The following CA10 variants were observed in gnomAD, a reference collection of about 807,000 sequenced individuals.
CA10 encodes carbonic anhydrase-related protein 10.
In CA10, 14 loss-of-function variants were observed where a neutral mutation model predicts 44.2. The observed-to-expected ratio is 0.32, with a 90% CI of 0.21 to 0.50. The LOEUF is 0.50. Among genes scored for constraint, CA10 ranks in the 20% least tolerant of loss-of-function variants. CA10 has a pLI of 0.99. For missense variants in CA10, 350 were observed against 409.7 expected, an observed-to-expected ratio of 0.85 and a Z score of 1.26; for synonymous variants, 159 against 141.6, an observed-to-expected ratio of 1.12 and a Z score of -0.87.
intron 4 of CA10, among the ~76,000 whole-genome samples, chr17:51,731,195 G>A (rs555507843): frequency 2.0e-5 from 3 of 152,252 alleles, no homozygotes; most frequent in Admixed American, 6.5e-5. Context: ...TGGCCAACAT[G>A]GTGAAACCCC....
At chr17:51,877,483 G>A (rs886851955) in intron 3 of CA10, among the ~76,000 whole-genome samples, 2 of 152,094 alleles carry the variant, frequency 1.3e-5, no homozygotes, top group Non-Finnish European at 2.9e-5. Flanking sequence ...TGACCATCCC[G>A]CATCATGATG....
At chr17:51,815,184 T>A (rs982580863) in intron 3 of CA10, among the ~76,000 whole-genome samples, 2 of 151,982 alleles carry the variant, frequency 1.3e-5, no homozygotes, top group African/African-American at 4.8e-5. Flanking sequence ...GCTACTGGCA[T>A]CTAGTAAGCA....
At chr17:52,138,740 T>C (rs1747207948) in intron 1 of CA10, among the ~76,000 whole-genome samples, 1 of 152,232 alleles carries the variant, frequency 6.6e-6, no homozygotes, top group African/African-American at 2.4e-5. Flanking sequence ...AGTCTTTTTT[T>C]AGAGCAATGC....
chr17:51,759,926 C>A (rs75520833), intron 3 of CA10, among the ~76,000 whole-genome samples: 1 of 152,272 alleles, frequency 6.6e-6, no homozygotes, highest in African/African-American at 2.4e-5. Flanking sequence ...CATCTTCAGG[C>A]CACTGTTTTT....
chr17:51,975,460 C>T (rs1984429148), intron 2 of CA10, among the ~76,000 whole-genome samples: 1 of 152,178 alleles, frequency 6.6e-6, no homozygotes, highest in Admixed American at 6.6e-5. Context: ...AGGCAAATCA[C>T]CTGAGGCCAG....
At chr17:51,681,385 G>A (rs1415882392) in intron 4 of CA10, among the ~76,000 whole-genome samples, 1 of 152,180 alleles carries the variant, frequency 6.6e-6, no homozygotes, top group Non-Finnish European at 1.5e-5. Context: ...TAGCAGGTGG[G>A]AAAATTAGAG....
intron 2 of CA10, among the ~76,000 whole-genome samples, chr17:52,059,997 A>G (rs1987338858): frequency 6.6e-6 from 1 of 152,222 alleles, no homozygotes; most frequent in South Asian, 2.1e-4. Flanking sequence ...CATTTGTTCT[A>G]CAACTAAAGA....
At chr17:52,021,455 C>A (rs537263748) in intron 2 of CA10, among the ~76,000 whole-genome samples, 331 of 152,152 alleles carry the variant, frequency 2.2e-3, no homozygotes, top group Non-Finnish European at 3.5e-3. Flanking sequence ...CTTATCTCTG[C>A]AGCCTTGCCA....
chr17:51,726,295 A>T (rs1916519637), intron 4 of CA10, among the ~76,000 whole-genome samples: 1 of 152,208 alleles, frequency 6.6e-6, no homozygotes, highest in African/African-American at 2.4e-5. Flanking sequence ...TTTTAAAATA[A>T]TCCTGATGTT....
At chr17:51,788,595 A>G (rs1293380599) in intron 3 of CA10, among the ~76,000 whole-genome samples, 21 of 152,238 alleles carry the variant, frequency 1.4e-4, no homozygotes, top group Non-Finnish European at 1.2e-4. Flanking sequence ...CATACACTCC[A>G]TAAATACGTG....
chr17:52,008,559 T>C (rs1985680318), intron 2 of CA10, among the ~76,000 whole-genome samples: 1 of 151,930 alleles, frequency 6.6e-6, no homozygotes, highest in African/African-American at 2.4e-5. Context: ...TGTTTTTTTC[T>C]ATTACTGCTA....
At chr17:52,017,350 C>A (rs919715717) in intron 2 of CA10, among the ~76,000 whole-genome samples, 2 of 152,092 alleles carry the variant, frequency 1.3e-5, no homozygotes, top group East Asian at 1.9e-4. Context: ...GACCAAAATG[C>A]TGATAGAAAC....
chr17:52,104,950 G>T (rs1188713272), intron 1 of CA10, among the ~76,000 whole-genome samples: 1 of 152,162 alleles, frequency 6.6e-6, no homozygotes, highest in African/African-American at 2.4e-5. Flanking sequence ...AAAATAAGGG[G>T]TTCCTGAGAG....
chr17:52,020,773 C>T (rs577507293), intron 2 of CA10, among the ~76,000 whole-genome samples: 1 of 151,990 alleles, frequency 6.6e-6, no homozygotes, highest in South Asian at 2.1e-4. Context: ...AAACATAGTA[C>T]CCAATAAATA....
In CA10 at chr17:52,072,374, T is replaced by G; in HGVS notation, c.81A>C (p.Lys27Asn). 1 of 1,613,384 alleles carries G rather than the reference T, an allele frequency of 6.2e-7. No individual in the cohort carries two copies. The highest frequency in any genetic ancestry group is 8.5e-7 in the Non-Finnish European group (1 of 1,179,460). ...TGTATGCCCACCAGCCTTCATGGAT[T>G]TTTGGTGAATTCTGTTGAGCTAAAG... is the stretch of plus-strand genomic sequence containing the variant. ...VCISAQQNSP[K>N]IHEGWWAYKE... The change falls in exon 2 of 9, where the codon AAA (lysine) becomes AAC (asparagine). Residue 27 changes from lysine (K) to asparagine (N), a missense_variant. Coordinates refer to ENST00000451037, the MANE Select transcript of CA10 (RefSeq NM_020178.5).
At chr17:51,795,360 T>TA (rs1349887450) in intron 3 of CA10, among the ~76,000 whole-genome samples, 2 of 152,322 alleles carry the variant, frequency 1.3e-5, no homozygotes, top group African/African-American at 4.8e-5. Context: ...CTGTTCTCAC[T>TA]AATGTGTTCT....
chr17:51,824,690 T>C (rs1227816473), intron 3 of CA10, among the ~76,000 whole-genome samples: 2 of 152,242 alleles, frequency 1.3e-5, no homozygotes, highest in Non-Finnish European at 2.9e-5. Flanking sequence ...ATCATAGTTA[T>C]GCGTTGAATC....
chr17:52,153,300 GATAA>G, intron 1 of CA10, among the ~76,000 whole-genome samples: 1 of 152,138 alleles, frequency 6.6e-6, no homozygotes. Context: ...GAGATCATCA[GATAA>G]ATAGTCATTG....
intron 1 of CA10, among the ~76,000 whole-genome samples, chr17:52,139,466 T>TTTC (rs1422755010): frequency 1.8e-4 from 26 of 147,880 alleles, no homozygotes; most frequent in African/African-American, 6.1e-4. Context: ...TTTTTTTTTT[T>TTTC]CGAAATAATG....
Sources: gnomAD v4.1 joint callset for allele counts (sites outside exome capture counted in the v4.1 genomes callset) on GRCh38, gnomAD v4.1.1 for gene constraint, MANE v1.5 for transcripts, NCBI Gene and HGNC (gene_info 2026-07-23, HGNC 2026-07-21) for gene names.